Variants in OTOP1 observed in about 807,000 individuals in gnomAD.
The protein encoded by OTOP1 is otopetrin 1.
In OTOP1, 59 loss-of-function variants were observed where a neutral mutation model predicts 52.9. The observed-to-expected ratio is 1.12, with a 90% CI of 0.91 to 1.39. The LOEUF (loss-of-function observed/expected upper bound fraction) is 1.39. OTOP1 is among the 40% of genes most tolerant of loss of function. The pLI, the probability that OTOP1 is intolerant of heterozygous loss-of-function variation, is 0.00. For synonymous variants in OTOP1, 317 were observed against 337.7 expected (o/e 0.94, Z 0.67); for missense variants, 761 against 800.9 (o/e 0.95, Z 0.60).
intron 5 of OTOP1, among the ~76,000 whole-genome samples, chr4:4,195,849 G>A (rs902428487): frequency 6.6e-5 from 10 of 152,056 alleles, no homozygotes; most frequent in African/African-American, 2.4e-4. Context: ...CACTTGTCCT[G>A]CTCACTGTAT....
rs184388557 is a variant in OTOP1, at chr4:4,217,221, T to C, written c.404-4217A>G. 4.3e-3 allele frequency among the ~76,000 whole-genome samples: 649 copies of C among 152,356 alleles called. 5 individuals carry two copies. The highest frequency in any genetic ancestry group is 0.015 in the African/African-American group (616 of 41,582). On this transcript the variant is annotated intron_variant, in intron 1 of 5. Transcript: ENST00000296358. ...ACAAATATCTTGGGGACTCCTACTA[T>C]GCATGAGGCATTGTGTCAAGGGCTC... is the stretch of plus-strand genomic sequence containing the variant.
At chr4:4,206,233 G>T in intron 2 of OTOP1, 103 bp from the exon 3 acceptor site, 1 of 950,576 alleles carries the variant, frequency 1.1e-6, no homozygotes, top group Non-Finnish European at 1.6e-6. Flanking sequence ...ATGAGAAAAT[G>T]CTGGGACATC....
intron 5 of OTOP1, among the ~76,000 whole-genome samples, chr4:4,195,231 G>A (rs1467313344): frequency 6.6e-6 from 1 of 152,194 alleles, no homozygotes; most frequent in Non-Finnish European, 1.5e-5. Flanking sequence ...ACTACTTGGT[G>A]CTCCCAAAAC....
At chr4:4,193,759 G>C (rs1716563802) in intron 5 of OTOP1, among the ~76,000 whole-genome samples, 1 of 152,212 alleles carries the variant, frequency 6.6e-6, no homozygotes, top group African/African-American at 2.4e-5. Flanking sequence ...CAGACCATCA[G>C]TTGCCACTTG....
intron 2 of OTOP1, among the ~76,000 whole-genome samples, chr4:4,209,414 T>C (rs982830651): frequency 4.6e-5 from 7 of 152,182 alleles, no homozygotes; most frequent in Non-Finnish European, 1.0e-4. Context: ...GAATGATTAA[T>C]TCATTGACTT....
intron 1 of OTOP1, among the ~76,000 whole-genome samples, chr4:4,215,906 G>T (rs1424512480): frequency 1.3e-5 from 2 of 151,996 alleles, no homozygotes; most frequent in African/African-American, 4.8e-5. Context: ...TGATTCTTGT[G>T]CCTCAACCTC....
chr4:4,206,231 A>G, intron 2 of OTOP1, 101 bp from the exon 3 acceptor site: 1 of 950,902 alleles, frequency 1.1e-6, no homozygotes, highest in East Asian at 2.6e-5. Flanking sequence ...GTATGAGAAA[A>G]TGCTGGGACA....
chr4:4,206,102 TC>T lies in OTOP1; in HGVS notation c.568del (p.Asp190IlefsTer14). The T allele has an allele frequency of 6.2e-7, 1 of 1,608,178 alleles. No homozygotes were observed. The highest frequency in any genetic ancestry group is 8.5e-7 in the Non-Finnish European group (1 of 1,174,776). ...QVYFLWGHAKDIIQSFKTLER... is the reference protein window; with the variant it reads ...QVYFLWGHAKXIIQSFKTLER... The stretch of plus-strand genomic sequence containing the variant: ...CAGTGTTTTGAAAGACTGGATAATA[TC>T]CTTTGCATGCCCCCAAAGAAAATAT... On this transcript the variant is annotated frameshift_variant, in exon 3 of 6. Coordinates refer to ENST00000296358, the MANE Select transcript of OTOP1 (RefSeq NM_177998.3). LOFTEE classifies it high-confidence loss of function.
intron 1 of OTOP1, among the ~76,000 whole-genome samples, chr4:4,216,074 C>G (rs1453877631): frequency 6.6e-6 from 1 of 151,938 alleles, no homozygotes; most frequent in Non-Finnish European, 1.5e-5. Flanking sequence ...GCTGGGATTA[C>G]AGGCATGAGT....
chr4:4,226,293 A>G (rs1717430603), intron 1 of OTOP1, among the ~76,000 whole-genome samples, 169 bp downstream of exon 1: 2 of 78,572 alleles, frequency 2.5e-5, no homozygotes, highest in Admixed American at 1.9e-4. Context: ...CTTCAGAGAG[A>G]GAGAGAGGAA....
At chr4:4,205,896 T>C (rs539726010) in intron 3 of OTOP1, among the ~76,000 whole-genome samples, 176 bp downstream of exon 3, 62 of 152,332 alleles carry the variant, frequency 4.1e-4, no homozygotes, top group South Asian at 1.7e-3. Context: ...ACCTGTCCCA[T>C]GGAGAAGCCA....
intron 1 of OTOP1, among the ~76,000 whole-genome samples, chr4:4,213,460 A>G (rs2980139): frequency 0.23 from 34,407 of 152,228 alleles, 4,281 homozygotes; most frequent in African/African-American, 0.31. Context: ...GACAGCCCAC[A>G]GAACTGGAGA....
intron 1 of OTOP1, among the ~76,000 whole-genome samples, chr4:4,225,325 T>C (rs1365064876): frequency 6.6e-6 from 1 of 152,152 alleles, no homozygotes; most frequent in Non-Finnish European, 1.5e-5. Context: ...ATCCCAGCAT[T>C]TTGGGAGGCC....
intron 3 of OTOP1, among the ~76,000 whole-genome samples, chr4:4,205,649 C>A (rs1161298665): frequency 6.6e-6 from 1 of 152,184 alleles, no homozygotes; most frequent in Admixed American, 6.5e-5. Context: ...TAAGTCCCTC[C>A]CACATCATGG....
chr4:4,201,523 A>G (rs1716789331), intron 4 of OTOP1, among the ~76,000 whole-genome samples: 2 of 139,032 alleles, frequency 1.4e-5, no homozygotes, highest in African/African-American at 5.5e-5. Flanking sequence ...TATATAGCCT[A>G]CCAGAGAGAT....
At chr4:4,216,893 T>C (rs553839484) in intron 1 of OTOP1, among the ~76,000 whole-genome samples, 2 of 152,320 alleles carry the variant, frequency 1.3e-5, no homozygotes, top group South Asian at 2.1e-4. Context: ...AACTGGAGAC[T>C]GCATCAGAAT....
At chr4:4,206,702 C>G (rs1716913479) in intron 2 of OTOP1, among the ~76,000 whole-genome samples, 1 of 152,136 alleles carries the variant, frequency 6.6e-6, no homozygotes, top group African/African-American at 2.4e-5. Flanking sequence ...TGTGAAAATC[C>G]TGACTTCCTC....
intron 3 of OTOP1, 105 bp downstream of exon 3, chr4:4,205,967 G>T: frequency 1.0e-6 from 1 of 954,980 alleles, no homozygotes; most frequent in Non-Finnish European, 1.6e-6. Flanking sequence ...ACTGAGGGGA[G>T]AGTTGGTCTG....
chr4:4,212,558 C>T (rs1332234910), intron 2 of OTOP1, among the ~76,000 whole-genome samples: 1 of 152,138 alleles, frequency 6.6e-6, no homozygotes, highest in African/African-American at 2.4e-5. Context: ...ATAAACCTGT[C>T]ACATACCCAG....
Sources: allele counts gnomAD v4.1 joint callset (sites outside exome capture counted in the v4.1 genomes callset), GRCh38; gene constraint gnomAD v4.1.1; transcripts MANE v1.5; gene names NCBI Gene and HGNC (gene_info 2026-07-23, HGNC 2026-07-21).